CDH13: variants seen among roughly 807,000 people sequenced by gnomAD.
CDH13 encodes the protein cadherin 13.
CDH13 carries 24 observed loss-of-function variants against 63.8 expected under a neutral mutation model. The ratio of observed to expected loss-of-function variants is 0.38; its 90% confidence interval spans 0.27 to 0.53. The LOEUF is 0.53. Among genes scored for constraint, CDH13 ranks in the 20% least tolerant of loss-of-function variants. The probability of loss-of-function intolerance (pLI) is 0.85; values close to 1 mark genes in which losing one functional copy is unlikely to be tolerated. For missense variants in CDH13, 1,049 were observed against 903.1 expected, an observed-to-expected ratio of 1.16 and a Z score of -2.07; for synonymous variants, 503 against 355.3, an observed-to-expected ratio of 1.42 and a Z score of -4.67.
intron 5 of CDH13, among the ~76,000 whole-genome samples, chr16:83,295,609 T>TAAAACCACAATGAGATA (rs149834286): frequency 0.073 from 11,110 of 152,090 alleles, 570 homozygotes; most frequent in Non-Finnish European, 0.11. Context: ...AAATGCAAAT[T>TAAAACCACAATGAGATA]AAAACCACAA....
chr16:82,921,597 A>G (rs998543784), intron 2 of CDH13, among the ~76,000 whole-genome samples: 1 of 152,198 alleles, frequency 6.6e-6, no homozygotes, highest in African/African-American at 2.4e-5. Context: ...AGGATCTGAC[A>G]TCTTTGGGAC....
intron 1 of CDH13, among the ~76,000 whole-genome samples, chr16:82,676,964 A>T (rs909830432): frequency 6.6e-6 from 1 of 151,748 alleles, no homozygotes; most frequent in African/African-American, 2.4e-5. Context: ...GCTCGCTGCA[A>T]CCTCCGCCTC....
chr16:83,144,141 C>T (rs1237418987), intron 4 of CDH13, among the ~76,000 whole-genome samples: 2 of 152,140 alleles, frequency 1.3e-5, no homozygotes, highest in African/African-American at 4.8e-5. Context: ...GCTTGGTCAA[C>T]GTGCCCCTTC....
intron 11 of CDH13, among the ~76,000 whole-genome samples, chr16:83,764,157 A>G (rs1914196102): frequency 6.6e-6 from 1 of 152,218 alleles, no homozygotes; most frequent in Non-Finnish European, 1.5e-5. Flanking sequence ...GCATGTCATT[A>G]CAGAATCATG....
chr16:82,893,024 G>T (rs1486799929), intron 2 of CDH13, among the ~76,000 whole-genome samples: 1 of 152,308 alleles, frequency 6.6e-6, no homozygotes, highest in South Asian at 2.1e-4. Flanking sequence ...TAAGAAATAT[G>T]CCTTTAATGA....
At chr16:82,986,702 C>G (rs1910983967) in intron 2 of CDH13, among the ~76,000 whole-genome samples, 1 of 152,194 alleles carries the variant, frequency 6.6e-6, no homozygotes, top group Non-Finnish European at 1.5e-5. Flanking sequence ...TTTGCTTGAA[C>G]TACATCCAAT....
chr16:82,994,461 T>C (rs1345810691), intron 2 of CDH13, among the ~76,000 whole-genome samples: 1 of 152,146 alleles, frequency 6.6e-6, no homozygotes, highest in Non-Finnish European at 1.5e-5. Context: ...TTCTATCAGC[T>C]CCAGCAAAGA....
In CDH13 at chr16:83,797,964, G is replaced by A. The variant is rs1444233652; in HGVS notation, c.*2934G>A. The A allele has an allele frequency of 1.3e-5, 2 of 152,168 alleles. No individual in the cohort carries two copies. The highest frequency in any genetic ancestry group is 2.9e-5 in the Non-Finnish European group (2 of 68,028). 9.4% of individuals were successfully genotyped at this position (152,168 alleles called of 1,614,324 possible). The stretch of plus-strand genomic sequence containing the variant: ...TCAATACCGCCAGTTCTCTCCAAAT[G>A]AGCATCATTCCAGGCAGATATACCT... On this transcript the variant is annotated 3_prime_UTR_variant, in exon 14 of 14. Coordinates refer to ENST00000567109, the MANE Select transcript of CDH13 (RefSeq NM_001257.5).
At position 82,660,834 on chromosome 16, in the gene CDH13, C is replaced by T. The variant is rs145117883; in HGVS notation, c.45+33697C>T. 4.5e-3 allele frequency among the ~76,000 whole-genome samples: 687 copies of T among 151,854 alleles called. 2 individuals carry two copies. Among genetic ancestry groups the T allele is most frequent in the African/African-American group, 9.9e-3 (409 of 41,432 alleles). On this transcript the variant is annotated intron_variant, in intron 1 of 13. Transcript: ENST00000567109. ...TGCTGCTGCTGCTTCAATTTTGTTC[C>T]GGCAATACAAGTAAAATATATGTGG...
chr16:83,244,504 T>G (rs140388288), intron 5 of CDH13, among the ~76,000 whole-genome samples: 1 of 152,324 alleles, frequency 6.6e-6, no homozygotes, highest in African/African-American at 2.4e-5. Context: ...TCTAAGTCTG[T>G]GCCACTGATC....
intron 5 of CDH13, among the ~76,000 whole-genome samples, chr16:83,234,085 G>A (rs756114537): frequency 2.0e-5 from 3 of 152,198 alleles, no homozygotes; most frequent in Admixed American, 6.5e-5. Flanking sequence ...GGTGACGGCC[G>A]GAAGGAGAAG....
chr16:83,243,414 T>G (rs1904671584), intron 5 of CDH13, among the ~76,000 whole-genome samples: 1 of 152,132 alleles, frequency 6.6e-6, no homozygotes, highest in East Asian at 1.9e-4. Flanking sequence ...CTCATGAGAC[T>G]TATTAACTAT....
chr16:82,996,316 C>T (rs1418772796), intron 2 of CDH13, among the ~76,000 whole-genome samples: 1 of 152,154 alleles, frequency 6.6e-6, no homozygotes, highest in Non-Finnish European at 1.5e-5. Context: ...TACCCCATGA[C>T]TCATCAGCTT....
intron 5 of CDH13, among the ~76,000 whole-genome samples, chr16:83,303,542 C>A (rs1049154902): frequency 6.6e-6 from 1 of 152,112 alleles, no homozygotes; most frequent in South Asian, 2.1e-4. Context: ...TTTCCAGGCT[C>A]TTTGTCATAA....
At chr16:83,382,014 T>C (rs1051400531) in intron 6 of CDH13, among the ~76,000 whole-genome samples, 1 of 152,346 alleles carries the variant, frequency 6.6e-6, no homozygotes, top group Non-Finnish European at 1.5e-5. Flanking sequence ...GTCTCCCTTA[T>C]GACCTAACGG....
intron 8 of CDH13, among the ~76,000 whole-genome samples, chr16:83,629,759 C>A (rs1027190202): frequency 2.6e-5 from 4 of 152,166 alleles, no homozygotes; most frequent in African/African-American, 7.2e-5. Context: ...CAAGACTATT[C>A]AATGAGAGCA....
intron 4 of CDH13, among the ~76,000 whole-genome samples, chr16:83,192,719 T>C (rs576766875): frequency 1.3e-5 from 2 of 152,302 alleles, no homozygotes; most frequent in African/African-American, 4.8e-5. Context: ...CCCATGGCTG[T>C]GAATTCCGGG....
chr16:83,188,463 A>G (rs1187018218), intron 4 of CDH13, among the ~76,000 whole-genome samples: 1 of 151,766 alleles, frequency 6.6e-6, no homozygotes, highest in Non-Finnish European at 1.5e-5. Context: ...ATTCTTTTTG[A>G]GTCCTCTTGG....
chr16:83,459,623 G>T (rs1190030775), intron 6 of CDH13, among the ~76,000 whole-genome samples: 1 of 152,226 alleles, frequency 6.6e-6, no homozygotes, highest in Non-Finnish European at 1.5e-5. Context: ...CAGATTCGCA[G>T]ATTTGTGACC....
Sources: allele counts gnomAD v4.1 joint callset (sites outside exome capture counted in the v4.1 genomes callset), GRCh38; gene constraint gnomAD v4.1.1; transcripts MANE v1.5; gene names NCBI Gene and HGNC (gene_info 2026-07-23, HGNC 2026-07-21).